The following PTER variants were observed in gnomAD, a reference collection of about 807,000 sequenced individuals.
The protein encoded by PTER is phosphotriesterase related, also known as N-acetyltaurine hydrolase.
A neutral mutation model predicts 29.6 loss-of-function variants in PTER; 38 were observed. The observed-to-expected ratio is 1.28, with a 90% CI of 0.99 to 1.68. PTER has a LOEUF of 1.68. Ranked by LOEUF, PTER falls within the 40% of genes most tolerant of loss-of-function variation. The probability of loss-of-function intolerance (pLI) is 0.00; values close to 1 mark genes in which losing one functional copy is unlikely to be tolerated. For synonymous variants in PTER, 172 were observed against 154.5 expected (o/e 1.11, Z -0.84); for missense variants, 482 against 427.8 (o/e 1.13, Z -1.12).
intron 1 of PTER, among the ~76,000 whole-genome samples, chr10:16,479,273 T>C (rs1268933865): frequency 6.6e-6 from 1 of 152,172 alleles, no homozygotes; most frequent in East Asian, 1.9e-4. Context: ...TGGTTACTGA[T>C]TCTTTTGACA....
chr10:16,499,180 T>C (rs1836234578), intron 3 of PTER, among the ~76,000 whole-genome samples: 1 of 152,152 alleles, frequency 6.6e-6, no homozygotes, highest in South Asian at 2.1e-4. Context: ...CTGATAGAGC[T>C]TCTGTAAGGA....
chr10:16,476,898 A>G (rs1835286219), intron 1 of PTER, among the ~76,000 whole-genome samples: 1 of 108,958 alleles, frequency 9.2e-6, no homozygotes, highest in Non-Finnish European at 1.7e-5. Flanking sequence ...CCATCCTAGA[A>G]TTCTTTTTTT....
At chr10:16,476,418 T>A (rs1293976544) in intron 1 of PTER, among the ~76,000 whole-genome samples, 1 of 152,116 alleles carries the variant, frequency 6.6e-6, no homozygotes, top group Non-Finnish European at 1.5e-5. Flanking sequence ...TAGGTATCGT[T>A]TTACTTGCTT....
At chr10:16,514,714 G>A (rs765195473), downstream of PTER, 1 of 1,600,474 alleles carries the variant, frequency 6.2e-7, no homozygotes, top group East Asian at 2.2e-5. Context: ...GCACCTATGT[G>A]AAACAGACAA....
intron 3 of PTER, among the ~76,000 whole-genome samples, chr10:16,498,343 A>G (rs1836193976): frequency 6.6e-6 from 1 of 152,200 alleles, no homozygotes; most frequent in African/African-American, 2.4e-5. Context: ...AGGCCAAGGC[A>G]GGCAGATCAG....
At chr10:16,500,055 T>A (rs768925) in intron 3 of PTER, among the ~76,000 whole-genome samples, 17 of 151,574 alleles carry the variant, frequency 1.1e-4, no homozygotes, top group African/African-American at 3.4e-4. Flanking sequence ...CCTTTTTTTT[T>A]AACTGCATTT....
chr10:16,503,154 C>G (rs900652437), intron 3 of PTER, among the ~76,000 whole-genome samples: 1 of 131,440 alleles, frequency 7.6e-6, no homozygotes, highest in African/African-American at 2.9e-5. Context: ...CTCCTAGCCT[C>G]AAATGATCCA....
chr10:16,498,521 T>C (rs186681847), intron 3 of PTER, among the ~76,000 whole-genome samples: 41 of 152,298 alleles, frequency 2.7e-4, no homozygotes, highest in Non-Finnish European at 5.0e-4. Context: ...AGATGAAAGC[T>C]GCAGTGAGCC....
chr10:16,473,819 G>A (rs970210397), intron 1 of PTER, among the ~76,000 whole-genome samples: 2 of 152,182 alleles, frequency 1.3e-5, no homozygotes, highest in Non-Finnish European at 2.9e-5. Context: ...AGCTTCTCAT[G>A]ACTTAGTTTC....
At chr10:16,489,717 C>A (rs936439978) in intron 3 of PTER, among the ~76,000 whole-genome samples, 1 of 151,848 alleles carries the variant, frequency 6.6e-6, no homozygotes, top group African/African-American at 2.4e-5. Context: ...TGAGTGTATT[C>A]ACTCCCCATG....
At chr10:16,508,005 A>G (rs1361392124) in intron 4 of PTER, among the ~76,000 whole-genome samples, 3 of 152,022 alleles carry the variant, frequency 2.0e-5, no homozygotes, top group Non-Finnish European at 4.4e-5. Context: ...CACAATCTCA[A>G]AAACATGATT....
At chr10:16,487,793 C>G (rs1300780084) in intron 3 of PTER, among the ~76,000 whole-genome samples, 1 of 152,160 alleles carries the variant, frequency 6.6e-6, no homozygotes, top group South Asian at 2.1e-4. Context: ...ATAGTTACTT[C>G]TATCTTGCCT....
rs45456195 is a variant in PTER at position 16,512,728 on chromosome 10, A to T, written c.*1472A>T. 0.058 allele frequency: 8,777 copies of T among 152,352 alleles called. 304 individuals are homozygous for T. The highest frequency in any genetic ancestry group is 0.081 in the Non-Finnish European group (5,509 of 67,942). 9.4% of individuals were successfully genotyped at this position (152,352 alleles called of 1,614,324 possible). On this transcript the variant is annotated 3_prime_UTR_variant, in exon 5 of 5. Transcript: ENST00000535784. ...TAATTCCTTTAAATAAATAAAAAAA[A>T]AAAATGCAAATGTCCTTCACCAGTA...
At chr10:16,443,188 T>C (rs1833904854) in intron 1 of PTER, among the ~76,000 whole-genome samples, 1 of 152,184 alleles carries the variant, frequency 6.6e-6, no homozygotes, top group Non-Finnish European at 1.5e-5. Context: ...GTCAGCAGTG[T>C]TGGCCTCTTC....
At chr10:16,516,029 G>A (rs540223729), downstream of PTER, among the ~76,000 whole-genome samples, 7 of 152,170 alleles carry the variant, frequency 4.6e-5, no homozygotes, top group Non-Finnish European at 8.8e-5. Context: ...ATAGTCTCAC[G>A]TTAATGCTGA....
chr10:16,462,537 C>A (rs1391018934), intron 1 of PTER, among the ~76,000 whole-genome samples: 1 of 149,900 alleles, frequency 6.7e-6, no homozygotes, highest in Non-Finnish European at 1.5e-5. Flanking sequence ...TTTTCCAGCC[C>A]TGCGATTTGT....
chr10:16,500,667 G>A (rs978051968), intron 3 of PTER, among the ~76,000 whole-genome samples: 1 of 152,190 alleles, frequency 6.6e-6, no homozygotes, highest in African/African-American at 2.4e-5. Flanking sequence ...TTATAACGTA[G>A]GTAACATTTA....
chr10:16,464,403 G>A (rs1402572236), intron 1 of PTER, among the ~76,000 whole-genome samples: 1 of 152,104 alleles, frequency 6.6e-6, no homozygotes, highest in Non-Finnish European at 1.5e-5. Context: ...TTCCTATTTT[G>A]TTTTCAAACT....
chr10:16,486,326 A>C lies in PTER; in HGVS notation c.433-26A>C. The C allele has an allele frequency of 2.5e-6, 4 of 1,589,660 alleles. No homozygotes were observed. The South Asian group carries it at 4.5e-5, about 18-fold the overall frequency. On this transcript the variant is annotated intron_variant, in intron 2 of 4. Transcript: ENST00000535784. ...TTTGATAAATTTCACAACCTATAAAATATATTCCTTCTCACTCTTCCTTAG... is the reference window on the plus strand; with the variant it reads ...TTTGATAAATTTCACAACCTATAAACTATATTCCTTCTCACTCTTCCTTAG...
Sources: allele counts gnomAD v4.1 joint callset (sites outside exome capture counted in the v4.1 genomes callset), GRCh38; gene constraint gnomAD v4.1.1; transcripts MANE v1.5; gene names NCBI Gene and HGNC (gene_info 2026-07-23, HGNC 2026-07-21).